The following MRPL48 variants were observed in gnomAD, a reference collection of about 807,000 sequenced individuals.
MRPL48 encodes the protein mitochondrial ribosomal protein L48.
MRPL48 carries 16 observed loss-of-function variants against 32.9 expected under a neutral mutation model. That is an observed-to-expected ratio of 0.49 (90% confidence interval 0.33 to 0.74). MRPL48 has a LOEUF of 0.74. Ranked by LOEUF, MRPL48 falls within the 30% of genes least tolerant of loss-of-function variation. The pLI, the probability that MRPL48 is intolerant of heterozygous loss-of-function variation, is 0.02. For synonymous variants in MRPL48, 94 were observed against 89.2 expected (o/e 1.05, Z -0.31); for missense variants, 206 against 245.3 (o/e 0.84, Z 1.07).
At chr11:73,833,757 C>T (rs1948037387) in intron 4 of MRPL48, among the ~76,000 whole-genome samples, 2 of 152,210 alleles carry the variant, frequency 1.3e-5, no homozygotes, top group South Asian at 4.2e-4. Context: ...ACACTGTACC[C>T]TCAACCTCTC....
intron 1 of MRPL48, among the ~76,000 whole-genome samples, chr11:73,797,953 G>A (rs1261551268): frequency 6.6e-6 from 1 of 152,174 alleles, no homozygotes; most frequent in Non-Finnish European, 1.5e-5. Context: ...ACACAAATTT[G>A]TGTTTGGGTT....
At chr11:73,833,845 TTTTA>T (rs1389265000) in intron 4 of MRPL48, among the ~76,000 whole-genome samples, 1 of 152,086 alleles carries the variant, frequency 6.6e-6, no homozygotes, top group Non-Finnish European at 1.5e-5. Context: ...TTGCTAATAT[TTTTA>T]TTTTTTAAAT....
intron 3 of MRPL48, among the ~76,000 whole-genome samples, chr11:73,811,366 A>G (rs1947563109): frequency 6.6e-6 from 1 of 152,194 alleles, no homozygotes; most frequent in African/African-American, 2.4e-5. Context: ...ACTGTAGACA[A>G]TGCTTTAAAA....
In MRPL48 at chr11:73,809,249, T is replaced by G. The variant is rs957882358; in HGVS notation, c.112+899T>G. Among the ~76,000 whole-genome samples the G allele has an allele frequency of 5.4e-5, 8 of 149,124 alleles. No individual in the cohort carries two copies. In the East Asian group the frequency reaches 1.6e-3, roughly 29 times the overall value. Reference sequence around the variant, plus strand: ...AGTGCTTGGCCAGGTGCCTCACGCCTGTAATCCCAGCACTTTGGGAGGCCG... The same window carrying G: ...AGTGCTTGGCCAGGTGCCTCACGCCGGTAATCCCAGCACTTTGGGAGGCCG... On this transcript the variant is annotated intron_variant, in intron 3 of 7. Coordinates refer to ENST00000310614, the MANE Select transcript of MRPL48 (RefSeq NM_016055.6).
At chr11:73,826,965 G>A (rs1452182924) in intron 4 of MRPL48, among the ~76,000 whole-genome samples, 3 of 149,422 alleles carry the variant, frequency 2.0e-5, no homozygotes, top group South Asian at 4.3e-4. Flanking sequence ...TAGTAGAGAC[G>A]GGATTTCTCC....
chr11:73,844,483 A>G (rs1590990866), intron 4 of MRPL48, among the ~76,000 whole-genome samples: 1 of 152,162 alleles, frequency 6.6e-6, no homozygotes, highest in African/African-American at 2.4e-5. Flanking sequence ...TTACAAATTG[A>G]GTAATAGAAG....
chr11:73,825,633 A>G, intron 3 of MRPL48, 75 bp from the exon 4 acceptor site: 1 of 1,310,946 alleles, frequency 7.6e-7, no homozygotes, highest in Non-Finnish European at 1.1e-6. Flanking sequence ...GTGACAGAGC[A>G]AGACCCTGTC....
chr11:73,796,853 T>G (rs1590930343), intron 1 of MRPL48, among the ~76,000 whole-genome samples: 1 of 152,052 alleles, frequency 6.6e-6, no homozygotes, highest in Admixed American at 6.5e-5. Context: ...TCACCTGAGG[T>G]CAGGAGTTTG....
In MRPL48 at chr11:73,864,822, C is replaced by T. The variant is rs543110453; in HGVS notation, c.*452C>T. On this transcript the variant is annotated 3_prime_UTR_variant, in exon 8 of 8. Transcript: ENST00000310614. ...TTTTTTTTTTTCCGAAACGGAGTCT[C>T]GCTCTGTTGCCCAGGCTGGAGTGCA... 2.4e-5 allele frequency: 4 copies of T among 168,932 alleles called. No homozygotes were observed. Among genetic ancestry groups the T allele is most frequent in the South Asian group, 3.0e-4 (2 of 6,562 alleles). 10.5% of individuals were successfully genotyped at this position (168,932 alleles called of 1,614,324 possible).
chr11:73,801,166 A>G (rs1241392434), intron 1 of MRPL48, among the ~76,000 whole-genome samples: 1 of 152,174 alleles, frequency 6.6e-6, no homozygotes. Flanking sequence ...TGGTTATTGT[A>G]CAGACTCAGA....
Position 73,825,735 on chromosome 11 carries a change from C to G in MRPL48, c.140C>G (p.Pro47Arg). The change falls in exon 4 of 8, where the codon CCC becomes CGC. Residue 47 changes from proline to arginine, a missense_variant. Coordinates refer to ENST00000310614, the MANE Select transcript of MRPL48 (RefSeq NM_016055.6). ...VGGILLSISR[P>R]YKTKPTHGIG... is the part of the protein sequence containing the mutation. The stretch of plus-strand genomic sequence containing the variant: ...GGAATTCTACTAAGTATCAGTCGGC[C>G]CTACAAGACAAAGCCCACCCACGGC... 1 of 1,567,808 alleles carries G rather than the reference C, an allele frequency of 6.4e-7. No individual in the cohort carries two copies. The highest frequency in any genetic ancestry group is 1.2e-5 in the South Asian group (1 of 84,922).
At chr11:73,854,472 A>C (rs1243942236) in intron 5 of MRPL48, among the ~76,000 whole-genome samples, 2 of 152,132 alleles carry the variant, frequency 1.3e-5, no homozygotes, top group Admixed American at 1.3e-4. Context: ...TTTTTAGTAC[A>C]GATGGGGTTT....
At chr11:73,822,249 C>T (rs960317361) in intron 3 of MRPL48, among the ~76,000 whole-genome samples, 6 of 152,156 alleles carry the variant, frequency 3.9e-5, no homozygotes, top group Admixed American at 1.3e-4. Context: ...TTCAAGAATG[C>T]AGCTGTTTCC....
At chr11:73,832,849 T>C (rs1410628283) in intron 4 of MRPL48, among the ~76,000 whole-genome samples, 2 of 152,174 alleles carry the variant, frequency 1.3e-5, no homozygotes, top group African/African-American at 4.8e-5. Flanking sequence ...AAAACCATAA[T>C]TGAGCATCTA....
intron 6 of MRPL48, among the ~76,000 whole-genome samples, chr11:73,862,538 G>A (rs1456250139): frequency 6.6e-6 from 1 of 152,190 alleles, no homozygotes; most frequent in Non-Finnish European, 1.5e-5. Context: ...GGCGGAGGTT[G>A]CAGTGAACTG....
intron 1 of MRPL48, 99 bp downstream of exon 1, chr11:73,788,091 G>T: frequency 7.3e-7 from 1 of 1,376,624 alleles, no homozygotes; most frequent in South Asian, 1.3e-5. Flanking sequence ...GCGGCGCGCG[G>T]ACATCCGGGG....
At chr11:73,815,892 ATTTT>A (rs71469473) in intron 3 of MRPL48, among the ~76,000 whole-genome samples, 1 of 136,682 alleles carries the variant, frequency 7.3e-6, no homozygotes, top group Non-Finnish European at 1.6e-5. Context: ...CTTGACTTTT[ATTTT>A]TTTTTTTTTT....
intron 1 of MRPL48, among the ~76,000 whole-genome samples, chr11:73,800,387 T>C (rs985830326): frequency 6.6e-6 from 1 of 152,178 alleles, no homozygotes; most frequent in African/African-American, 2.4e-5. Context: ...AGCTCTCAGT[T>C]GCTTGCATCA....
chr11:73,834,347 T>C (rs1286304305), intron 4 of MRPL48, among the ~76,000 whole-genome samples: 1 of 152,186 alleles, frequency 6.6e-6, no homozygotes, highest in African/African-American at 2.4e-5. Context: ...ATATTCCAGC[T>C]TTTTGTTTTG....
Sources: gnomAD v4.1 joint callset for allele counts (sites outside exome capture counted in the v4.1 genomes callset) on GRCh38, gnomAD v4.1.1 for gene constraint, MANE v1.5 for transcripts, NCBI Gene and HGNC (gene_info 2026-07-23, HGNC 2026-07-21) for gene names.